Variants in WWOX observed in about 807,000 individuals in gnomAD.
WWOX encodes the protein WW domain containing oxidoreductase.
In WWOX, 69 loss-of-function variants were observed where a neutral mutation model predicts 46.2. That is an observed-to-expected ratio of 1.49 (90% CI 1.23 to 1.82). The LOEUF (loss-of-function observed/expected upper bound fraction) is 1.82. WWOX is among the 40% of genes most tolerant of loss of function. The pLI is 0.00. For synonymous variants in WWOX, 359 were observed against 202.6 expected (o/e 1.77, Z -6.56); for missense variants, 919 against 542.6 (o/e 1.69, Z -6.89).
At chr16:78,364,843 C>G (rs551308047) in intron 5 of WWOX, among the ~76,000 whole-genome samples, 1 of 152,288 alleles carries the variant, frequency 6.6e-6, no homozygotes, top group East Asian at 1.9e-4. Flanking sequence ...GTTTTCTGTG[C>G]TTTTTCCTAC....
intron 5 of WWOX, among the ~76,000 whole-genome samples, chr16:78,368,674 G>C (rs1567529736): frequency 6.6e-6 from 1 of 152,178 alleles, no homozygotes; most frequent in South Asian, 2.1e-4. Context: ...CATTTGTAAG[G>C]TGGTGTCCCC....
At chr16:79,143,316 A>T (rs2050125287) in intron 8 of WWOX, among the ~76,000 whole-genome samples, 1 of 152,232 alleles carries the variant, frequency 6.6e-6, no homozygotes, top group African/African-American at 2.4e-5. Flanking sequence ...GTTACCGCCT[A>T]ACACATTAAA....
At chr16:78,561,319 C>G (rs1470020796) in intron 8 of WWOX, among the ~76,000 whole-genome samples, 3 of 152,120 alleles carry the variant, frequency 2.0e-5, no homozygotes, top group East Asian at 1.9e-4. Context: ...CAGAAACTCT[C>G]TCATGCATGT....
At chr16:78,758,402 C>T (rs575795834) in intron 8 of WWOX, among the ~76,000 whole-genome samples, 119 of 152,192 alleles carry the variant, frequency 7.8e-4, no homozygotes, top group Non-Finnish European at 1.4e-3. Flanking sequence ...ATAACTATGT[C>T]ACCAAAATTA....
At chr16:78,117,890 G>A (rs754709419) in intron 4 of WWOX, among the ~76,000 whole-genome samples, 4 of 151,984 alleles carry the variant, frequency 2.6e-5, no homozygotes, top group Non-Finnish European at 4.4e-5. Flanking sequence ...GTGAATGTCC[G>A]TTTTCTCTAA....
intron 8 of WWOX, among the ~76,000 whole-genome samples, chr16:79,176,929 C>A (rs569334192): frequency 6.3e-4 from 96 of 152,264 alleles, no homozygotes; most frequent in African/African-American, 2.1e-3. Flanking sequence ...GTGAAATGCA[C>A]CCTTTCCCTC....
At chr16:79,028,025 C>G (rs1316383890) in intron 8 of WWOX, among the ~76,000 whole-genome samples, 2 of 151,814 alleles carry the variant, frequency 1.3e-5, no homozygotes, top group Non-Finnish European at 2.9e-5. Flanking sequence ...AATCTCAGCT[C>G]ACTGCCAGCT....
chr16:78,518,189 G>A (rs1410547860), intron 8 of WWOX, among the ~76,000 whole-genome samples: 1 of 151,956 alleles, frequency 6.6e-6, no homozygotes, highest in African/African-American at 2.4e-5. Flanking sequence ...TTAATATGTG[G>A]TAGTTGTTGC....
At chr16:78,499,572 T>A (rs1597171347) in intron 8 of WWOX, among the ~76,000 whole-genome samples, 1 of 152,262 alleles carries the variant, frequency 6.6e-6, no homozygotes, top group Admixed American at 6.5e-5. Flanking sequence ...TGGACGGGCT[T>A]CCTGCCTCCT....
At chr16:79,179,430 C>G (rs890905088) in intron 8 of WWOX, among the ~76,000 whole-genome samples, 15 of 152,220 alleles carry the variant, frequency 9.9e-5, no homozygotes, top group African/African-American at 3.6e-4. Context: ...CTAATGGAAT[C>G]CTAACTAATG....
At chr16:78,987,645 T>C (rs2046807535) in intron 8 of WWOX, among the ~76,000 whole-genome samples, 1 of 152,162 alleles carries the variant, frequency 6.6e-6, no homozygotes, top group Non-Finnish European at 1.5e-5. Context: ...TTTTGCATGA[T>C]GGTGCATATG....
At chr16:78,418,706 A>G (rs1450707881) in intron 6 of WWOX, among the ~76,000 whole-genome samples, 21 of 152,180 alleles carry the variant, frequency 1.4e-4, no homozygotes, top group Non-Finnish European at 1.5e-5. Context: ...GATCCTCTCA[A>G]TACATACATA....
chr16:78,357,626 A>C lies in WWOX; in HGVS notation c.517-29234A>C, dbSNP rs551394001. On this transcript the variant is annotated intron_variant, in intron 5 of 8. Transcript: ENST00000566780. ...AAACATTTCCATATCATTAATGTTC[A>C]ACACAGCTTTGTGGTGTTGGAGATA... Among the ~76,000 whole-genome samples, 4 of 152,344 alleles carry C rather than the reference A, an allele frequency of 2.6e-5. No homozygotes were observed. The South Asian group carries it at 8.3e-4, about 32-fold the overall frequency.
At chr16:78,542,709 T>A (rs1161822983) in intron 8 of WWOX, among the ~76,000 whole-genome samples, 1 of 152,214 alleles carries the variant, frequency 6.6e-6, no homozygotes, top group African/African-American at 2.4e-5. Flanking sequence ...AATTCTTCTA[T>A]CAGCCCTCTA....
chr16:78,282,569 A>G (rs1045876449), intron 5 of WWOX, among the ~76,000 whole-genome samples: 1 of 152,132 alleles, frequency 6.6e-6, no homozygotes, highest in African/African-American at 2.4e-5. Flanking sequence ...GGAAGTGAGA[A>G]GAGTGGCTTA....
At chr16:78,357,531 T>G (rs946360676) in intron 5 of WWOX, among the ~76,000 whole-genome samples, 28 of 152,266 alleles carry the variant, frequency 1.8e-4, no homozygotes, top group African/African-American at 6.7e-4. Context: ...AACCTTGATT[T>G]TTGAGGGATA....
chr16:78,354,080 G>A (rs970985084), intron 5 of WWOX, among the ~76,000 whole-genome samples: 1 of 152,136 alleles, frequency 6.6e-6, no homozygotes, highest in Non-Finnish European at 1.5e-5. Flanking sequence ...TTAATTCCTG[G>A]ATGTTTTCCA....
Position 78,164,194 on chromosome 16 carries a change from G to A in WWOX, c.421G>A (p.Ala141Thr), listed in dbSNP as rs369907002. 329 of 1,613,908 alleles carry A rather than the reference G, an allele frequency of 2.0e-4. 7 individuals are homozygous for A. Among genetic ancestry groups the A allele is most frequent in the South Asian group, 1.4e-3 (128 of 90,980 alleles). Reference sequence around the variant, plus strand: ...CCTTTAAACCATAGGGTTCGAAACCGCCAAGTCTTTTGCCCTCCATGGTGC... The same window carrying A: ...CCTTTAAACCATAGGGTTCGAAACCACCAAGTCTTTTGCCCTCCATGGTGC... Reference protein sequence around the residue: ...GANSGIGFETAKSFALHGAHV... With the variant: ...GANSGIGFETTKSFALHGAHV... Residue 141 changes from alanine to threonine, a missense_variant, in exon 5 of 9, where the codon GCC (alanine) becomes ACC (threonine). By Grantham distance (58) the Ala-to-Thr change is moderately conservative. Transcript: ENST00000566780.
At chr16:78,859,296 T>G (rs141378442) in intron 8 of WWOX, among the ~76,000 whole-genome samples, 1 of 151,586 alleles carries the variant, frequency 6.6e-6, no homozygotes, top group South Asian at 2.1e-4. Context: ...ATGGAATTGA[T>G]TTTTCCCCCC....
Sources: gnomAD v4.1 joint callset for allele counts (sites outside exome capture counted in the v4.1 genomes callset) on GRCh38, gnomAD v4.1.1 for gene constraint, MANE v1.5 for transcripts, NCBI Gene and HGNC (gene_info 2026-07-23, HGNC 2026-07-21) for gene names.